PIH1D1: variants seen among roughly 807,000 people sequenced by gnomAD.
PIH1D1 encodes the protein PIH1 domain-containing protein 1.
In PIH1D1, 28 loss-of-function variants were observed where a neutral mutation model predicts 38.5. The observed-to-expected ratio is 0.73, with a 90% confidence interval of 0.54 to 1.00. PIH1D1 has a LOEUF of 1.00. Ranked by LOEUF, PIH1D1 falls within the 50% of genes least tolerant of loss-of-function variation. The pLI, the probability that PIH1D1 is intolerant of heterozygous loss-of-function variation, is 0.00. For missense variants in PIH1D1, 343 were observed against 369.9 expected, an observed-to-expected ratio of 0.93 and a Z score of 0.60; for synonymous variants, 155 against 153.5, an observed-to-expected ratio of 1.01 and a Z score of -0.07.
At position 49,447,041 on chromosome 19, in the gene PIH1D1, C is replaced by T. The variant is rs13394; in HGVS notation, c.670G>A (p.Val224Ile). Residue 224 changes from valine (V) to isoleucine (I), a missense_variant, in exon 7 of 9, where the codon GTT becomes ATT. Transcript: ENST00000262265. ...LEAPDLLLAE[V>I]DLPKLDGALG... ...AAACTCACCAGTTTGGGGAGGTCAA[C>T]TTCGGCCAAGAGGAGGTCGGGGGCT... The T allele has an allele frequency of 0.75, 1,209,100 of 1,611,828 alleles. 460,331 individuals carry two copies. Among genetic ancestry groups the T allele is most frequent in the African/African-American group, 0.91 (67,975 of 74,910 alleles).
At chr19:49,447,567 T>G (rs886299838) in intron 5 of PIH1D1, 100 bp from the exon 6 acceptor site, 15 of 1,446,954 alleles carry the variant, frequency 1.0e-5, no homozygotes, top group African/African-American at 2.8e-5. Context: ...ACCAGGACTC[T>G]TGGGGTCTGA....
chr19:49,449,253 G>A, intron 3 of PIH1D1: 1 of 679,504 alleles, frequency 1.5e-6, no homozygotes. Flanking sequence ...CCCGGCCCTG[G>A]AGTGGGGCAT....
intron 3 of PIH1D1, 190 bp downstream of exon 3, chr19:49,449,285 G>C: frequency 1.4e-6 from 1 of 707,114 alleles, no homozygotes; most frequent in Admixed American, 2.0e-5. Flanking sequence ...AGCCTGGCCA[G>C]GTGGCAGAAC....
intron 5 of PIH1D1, 26 bp from the exon 6 acceptor site, chr19:49,447,493 A>G (rs375751132): frequency 2.5e-6 from 4 of 1,603,828 alleles, no homozygotes; most frequent in Non-Finnish European, 2.5e-6. Context: ...GCCGTCAAAC[A>G]TCGTACAGGT....
At chr19:49,447,626 C>A in intron 5 of PIH1D1, 159 bp from the exon 6 acceptor site, 1 of 967,260 alleles carries the variant, frequency 1.0e-6, no homozygotes, top group Non-Finnish European at 1.5e-6. Context: ...CTTAGTCACG[C>A]CCCTCCCATG....
chr19:49,447,968 T>A (rs769489252), intron 4 of PIH1D1, 33 bp downstream of exon 4: 1 of 1,613,490 alleles, frequency 6.2e-7, no homozygotes, highest in African/African-American at 1.3e-5. Context: ...TAGAGACCCC[T>A]GCCCAGGCCT....
intron 5 of PIH1D1, 62 bp downstream of exon 5, chr19:49,447,765 G>T (rs2079033416): frequency 3.3e-6 from 5 of 1,518,358 alleles, no homozygotes; most frequent in Non-Finnish European, 4.6e-6. Flanking sequence ...CCTCTCCTAG[G>T]GGTGTTCCCC....
At chr19:49,449,756 T>A in intron 2 of PIH1D1, 102 bp from the exon 3 acceptor site, 1 of 970,034 alleles carries the variant, frequency 1.0e-6, no homozygotes. Context: ...CCTGTCCCCC[T>A]TTTTTGTTCC....
intron 1 of PIH1D1, 21 bp downstream of exon 1, chr19:49,451,464 C>A: frequency 6.2e-7 from 1 of 1,613,508 alleles, no homozygotes; most frequent in Non-Finnish European, 8.5e-7. Context: ...ACTCAAGGAT[C>A]CAGGGGTCCG....
chr19:49,447,590 G>C, intron 5 of PIH1D1, 123 bp from the exon 6 acceptor site: 1 of 1,256,218 alleles, frequency 8.0e-7, no homozygotes, highest in Non-Finnish European at 1.1e-6. Flanking sequence ...ACACCCCGCA[G>C]GCTTGGCTCC....
At chr19:49,449,406 A>G (rs575707859) in intron 3 of PIH1D1, 69 bp downstream of exon 3, 239 of 1,476,256 alleles carry the variant, frequency 1.6e-4, no homozygotes, top group Non-Finnish European at 2.1e-4. Context: ...TCCTGGGCCC[A>G]GGATTCTTGG....
intron 1 of PIH1D1, 173 bp from the exon 2 acceptor site, chr19:49,451,021 A>ATT: frequency 3.7e-6 from 3 of 808,756 alleles, no homozygotes; most frequent in East Asian, 4.2e-5. Context: ...CCCCATTCCC[A>ATT]TTTCTTTTTT....
chr19:49,448,802 AT>A (rs140229998), intron 3 of PIH1D1, among the ~76,000 whole-genome samples: 3,682 of 152,322 alleles, frequency 0.024, 165 homozygotes, highest in Admixed American at 0.1. Flanking sequence ...TTCAAGAGAC[AT>A]ATTGAAAAAA....
chr19:49,446,671 C>T lies in PIH1D1; in HGVS notation c.711G>A (p.Leu237=), dbSNP rs758880613. The change falls in exon 8 of 9, where the codon CTG becomes CTA. Residue 237 remains leucine, a synonymous_variant. Transcript: ENST00000262265. ...TCACCAGGCGGTTCTCCCCGATCTCCAGCGACAGCCCCAGGGCTCCATCCT... is the reference window on the plus strand; with the variant it reads ...TCACCAGGCGGTTCTCCCCGATCTCTAGCGACAGCCCCAGGGCTCCATCCT... The part of the protein sequence containing the change: ...PKLDGALGLS[L]EIGENRLVMG... The T allele has an allele frequency of 1.3e-6, 2 of 1,580,884 alleles. No homozygotes were observed. The highest frequency in any genetic ancestry group is 2.2e-5 in the East Asian group (1 of 44,612).
At position 49,447,106 on chromosome 19, in the gene PIH1D1, AG is replaced by A; in HGVS notation, c.612-8del. ...CAGGTGAGGCTTTTCAGGCCTGAGGAGGAACAAGGTCCAGGGCTGAGCACAG... is the reference window on the plus strand; with the variant it reads ...CAGGTGAGGCTTTTCAGGCCTGAGGAGAACAAGGTCCAGGGCTGAGCACAG... On this transcript the variant is annotated splice_polypyrimidine_tract_variant and splice_region_variant and intron_variant, in intron 6 of 8. Coordinates refer to ENST00000262265, the MANE Select transcript of PIH1D1 (RefSeq NM_017916.3). 2 of 1,608,514 alleles carry A rather than the reference AG, an allele frequency of 1.2e-6. No homozygotes were observed. Among genetic ancestry groups the A allele is most frequent in the Non-Finnish European group, 1.7e-6 (2 of 1,177,254 alleles).
chr19:49,451,105 T>C lies in PIH1D1; in HGVS notation c.91-257A>G, dbSNP rs1180943414. On this transcript the variant is annotated intron_variant, in intron 1 of 8. Coordinates refer to ENST00000262265, the MANE Select transcript of PIH1D1 (RefSeq NM_017916.3). ...AGTGCAGTGCCGAGGTCTCGGCTCATTGCAAGCTTCGCCTCCCGGGTTCAC... is the reference window on the plus strand; with the variant it reads ...AGTGCAGTGCCGAGGTCTCGGCTCACTGCAAGCTTCGCCTCCCGGGTTCAC... Among the ~76,000 whole-genome samples the C allele has an allele frequency of 2.7e-5, 4 of 149,174 alleles. No homozygotes were observed. In the East Asian group the frequency reaches 6.0e-4, roughly 23 times the overall value.
intron 4 of PIH1D1, 39 bp from the exon 5 acceptor site, chr19:49,447,947 G>GAGGGT: frequency 6.2e-7 from 1 of 1,613,040 alleles, no homozygotes; most frequent in South Asian, 1.1e-5. Context: ...CGGTGGCGGG[G>GAGGGT]AGGGTAGGGG....
chr19:49,450,675 T>TCTGCCCC, intron 2 of PIH1D1, 107 bp downstream of exon 2: 1 of 727,412 alleles, frequency 1.4e-6, no homozygotes, highest in Non-Finnish European at 2.3e-6. Flanking sequence ...GGGTGTCTGC[T>TCTGCCCC]CACCCCACCC....
At position 49,446,319 on chromosome 19, in the gene PIH1D1, TCAAC is replaced by T. The variant is rs1238735112; in HGVS notation, c.*59_*62del. On this transcript the variant is annotated 3_prime_UTR_variant, in exon 9 of 9. Transcript: ENST00000262265. ...AGAACAAAGGCAAAAATCTTTTATTTCAACTTTTAGGGAAGCCAGCAGCCTCTTC... is the reference window on the plus strand; with the variant it reads ...AGAACAAAGGCAAAAATCTTTTATTTTTTTAGGGAAGCCAGCAGCCTCTTC... 40 of 782,186 alleles carry T rather than the reference TCAAC, an allele frequency of 5.1e-5. No individual in the cohort carries two copies. 48.5% of individuals were successfully genotyped at this position (782,186 alleles called of 1,614,324 possible).
Sources: gnomAD v4.1 joint callset for allele counts (sites outside exome capture counted in the v4.1 genomes callset) on GRCh38, gnomAD v4.1.1 for gene constraint, MANE v1.5 for transcripts, NCBI Gene and HGNC (gene_info 2026-07-23, HGNC 2026-07-21) for gene names.